Variants in RBFOX1 observed in about 807,000 individuals in gnomAD.
RBFOX1 encodes RNA binding protein fox-1 homolog 1.
Under a neutral mutation model 57.7 loss-of-function variants are expected in RBFOX1, and 8 were observed. The observed-to-expected ratio is 0.14, with a 90% confidence interval of 0.08 to 0.25. RBFOX1 has a LOEUF of 0.25. RBFOX1 is among the 10% of genes least tolerant of loss of function. The probability of loss-of-function intolerance (pLI) is 1.00; values close to 1 mark genes in which losing one functional copy is unlikely to be tolerated. For missense variants in RBFOX1, 611 were observed against 548.5 expected (o/e 1.11, Z -1.14); for synonymous variants, 326 against 222.4 (o/e 1.47, Z -4.15).
At chr16:7,168,930 G>A (rs1470703164) in intron 4 of RBFOX1, among the ~76,000 whole-genome samples, 1 of 152,096 alleles carries the variant, frequency 6.6e-6, no homozygotes. Context: ...TATTTTTAAA[G>A]GTTTGTGATG....
intron 1 of RBFOX1, among the ~76,000 whole-genome samples, chr16:5,300,608 AT>A (rs1351574672): frequency 2.6e-5 from 4 of 152,142 alleles, no homozygotes; most frequent in African/African-American, 7.2e-5. Flanking sequence ...ATTTGATGAA[AT>A]TTGCCAGTGA....
chr16:6,684,044 G>C (rs1222249064), intron 3 of RBFOX1, among the ~76,000 whole-genome samples: 1 of 152,212 alleles, frequency 6.6e-6, no homozygotes, highest in South Asian at 2.1e-4. Flanking sequence ...GCAACCTGTG[G>C]GCATCCTCAA....
At chr16:5,920,687 T>C (rs1042006799) in intron 4 of RBFOX1, among the ~76,000 whole-genome samples, 1 of 152,164 alleles carries the variant, frequency 6.6e-6, no homozygotes, top group African/African-American at 2.4e-5. Context: ...CGTGCCCAGG[T>C]AGGATCCTCG....
At position 6,358,738 on chromosome 16, in the gene RBFOX1, G is replaced by C. The variant is rs1382952438; in HGVS notation, c.-64+41681G>C. On this transcript the variant is annotated intron_variant, in intron 2 of 15. Transcript: ENST00000550418. ...AGAGGTGAAGCTGGAGTTTGGAACA[G>C]GGTTTACAGAGTCCAGAGCTTGTCT... Among the ~76,000 whole-genome samples the C allele has an allele frequency of 9.2e-5, 14 of 152,284 alleles. No homozygotes were observed. In the East Asian group the frequency reaches 2.7e-3, roughly 29 times the overall value.
intron 4 of RBFOX1, among the ~76,000 whole-genome samples, chr16:5,888,585 C>G (rs550337591): frequency 6.6e-6 from 1 of 151,996 alleles, no homozygotes; most frequent in South Asian, 2.1e-4. Flanking sequence ...AATCTGAGGT[C>G]AGGAGTTCAA....
intron 4 of RBFOX1, among the ~76,000 whole-genome samples, chr16:7,219,883 C>T (rs550112199): frequency 6.6e-6 from 1 of 152,238 alleles, no homozygotes; most frequent in South Asian, 2.1e-4. Flanking sequence ...AGTTTTCTAA[C>T]CAAAGAGAAA....
At chr16:6,896,343 C>T (rs1409844807) in intron 3 of RBFOX1, among the ~76,000 whole-genome samples, 1 of 152,160 alleles carries the variant, frequency 6.6e-6, no homozygotes, top group African/African-American at 2.4e-5. Context: ...TATAAAATTA[C>T]TACTGAGTAT....
At chr16:6,911,836 A>T (rs370948299) in intron 3 of RBFOX1, among the ~76,000 whole-genome samples, 11 of 152,294 alleles carry the variant, frequency 7.2e-5, no homozygotes, top group African/African-American at 2.6e-4. Context: ...CTTTTTAAAA[A>T]TCTCAGTAAA....
intron 1 of RBFOX1, among the ~76,000 whole-genome samples, chr16:6,022,007 C>T (rs538323174): frequency 1.3e-5 from 2 of 152,288 alleles, no homozygotes; most frequent in East Asian, 1.9e-4. Flanking sequence ...GCCTTATACA[C>T]ACACGTTTTC....
At chr16:6,722,666 C>G (rs80168040) in intron 3 of RBFOX1, among the ~76,000 whole-genome samples, 4,626 of 152,248 alleles carry the variant, frequency 0.03, 198 homozygotes, top group African/African-American at 0.095. Flanking sequence ...TTAAATATGG[C>G]TAAAATTCTG....
At chr16:6,826,161 G>A (rs903351424) in intron 3 of RBFOX1, among the ~76,000 whole-genome samples, 1 of 152,232 alleles carries the variant, frequency 6.6e-6, no homozygotes, top group African/African-American at 2.4e-5. Context: ...ATCTGGAGAA[G>A]ACAGGACTCA....
At chr16:7,396,370 A>G (rs1258045242) in intron 4 of RBFOX1, among the ~76,000 whole-genome samples, 5 of 152,128 alleles carry the variant, frequency 3.3e-5, no homozygotes, top group South Asian at 2.1e-4. Context: ...AATGAGAACA[A>G]TTTCAGAGCT....
chr16:6,819,595 C>T (rs184783266), intron 3 of RBFOX1, among the ~76,000 whole-genome samples: 114 of 150,882 alleles, frequency 7.6e-4, no homozygotes, highest in African/African-American at 2.5e-3. Flanking sequence ...ATCCCAGCTA[C>T]TCGGGAGGCT....
intron 7 of RBFOX1, among the ~76,000 whole-genome samples, chr16:7,587,912 T>G (rs2094213139): frequency 6.6e-6 from 1 of 152,122 alleles, no homozygotes; most frequent in African/African-American, 2.4e-5. Flanking sequence ...ATGGGCTGGG[T>G]GCAGTGGCTC....
intron 4 of RBFOX1, among the ~76,000 whole-genome samples, chr16:7,137,663 A>G (rs941748372): frequency 5.9e-5 from 9 of 152,342 alleles, no homozygotes; most frequent in Admixed American, 2.0e-4. Flanking sequence ...GGAACCTCAG[A>G]TTAGGGGCAA....
Position 7,131,302 on chromosome 16 carries a change from C to T in RBFOX1, c.27+79204C>T, listed in dbSNP as rs549013743. On this transcript the variant is annotated intron_variant, in intron 4 of 15. Transcript: ENST00000550418. ...CGGAGGTTGCAGTGAGCCAAGACCA[C>T]ACCATTGCACTGCAGCGTGGGCATT... is the stretch of plus-strand genomic sequence containing the variant. 1.1e-4 allele frequency among the ~76,000 whole-genome samples: 16 copies of T among 147,650 alleles called. No homozygotes were observed. The East Asian group carries it at 2.4e-3, about 22-fold the overall frequency.
At chr16:6,728,632 G>A (rs553777431) in intron 3 of RBFOX1, among the ~76,000 whole-genome samples, 1 of 152,224 alleles carries the variant, frequency 6.6e-6, no homozygotes, top group African/African-American at 2.4e-5. Context: ...GCTGCCCCAC[G>A]CTGGCTAATG....
At chr16:5,949,728 C>T (rs1004642528) in intron 4 of RBFOX1, among the ~76,000 whole-genome samples, 5 of 152,090 alleles carry the variant, frequency 3.3e-5, no homozygotes, top group Non-Finnish European at 5.9e-5. Flanking sequence ...GCTACCTCAA[C>T]CAGCAGCAGC....
intron 13 of RBFOX1, among the ~76,000 whole-genome samples, chr16:7,669,879 C>T (rs1182035474): frequency 2.0e-5 from 3 of 152,136 alleles, no homozygotes; most frequent in Non-Finnish European, 4.4e-5. Flanking sequence ...CCGCAGTCAC[C>T]ATAGTGGAGA....
Sources: gnomAD v4.1 joint callset for allele counts (sites outside exome capture counted in the v4.1 genomes callset) on GRCh38, gnomAD v4.1.1 for gene constraint, MANE v1.5 for transcripts, NCBI Gene and HGNC (gene_info 2026-07-23, HGNC 2026-07-21) for gene names.